RC3H1: variants seen among roughly 807,000 people sequenced by gnomAD.
RC3H1 encodes roquin-1.
A neutral mutation model predicts 138.2 loss-of-function variants in RC3H1; 50 were observed. The observed-to-expected ratio is 0.36, with a 90% CI of 0.29 to 0.46. The LOEUF (loss-of-function observed/expected upper bound fraction) is 0.46, where lower values mean the gene tolerates loss of function less well. RC3H1 is among the 20% of genes least tolerant of loss of function. The pLI is 1.00. For missense variants in RC3H1, 1,031 were observed against 1,388.1 expected, an observed-to-expected ratio of 0.74 and a Z score of 4.09; for synonymous variants, 462 against 489.1, an observed-to-expected ratio of 0.94 and a Z score of 0.73.
intron 14 of RC3H1, among the ~76,000 whole-genome samples, 191 bp downstream of exon 14, chr1:173,951,795 T>G (rs1257981014): frequency 6.6e-6 from 1 of 152,194 alleles, no homozygotes. Context: ...TCGGTAAGTA[T>G]TAAAATATTT....
rs148487759 is a variant in RC3H1, at chr1:173,970,010, T to C, written c.1334+495A>G. On this transcript the variant is annotated intron_variant, in intron 9 of 19. Coordinates refer to ENST00000367696, the MANE Select transcript of RC3H1 (RefSeq NM_172071.4). ...TCTATAGGCATGATGCAATAAAAGCTGAAGAAACTGCTTTTCATTTTTAAA... is the reference window on the plus strand; with the variant it reads ...TCTATAGGCATGATGCAATAAAAGCCGAAGAAACTGCTTTTCATTTTTAAA... Among the ~76,000 whole-genome samples the C allele has an allele frequency of 7.7e-4, 117 of 152,268 alleles. 3 individuals are homozygous for C. In the East Asian group the frequency reaches 0.017, roughly 23 times the overall value.
chr1:174,004,190 A>C (rs1207959807), intron 1 of RC3H1, among the ~76,000 whole-genome samples: 1 of 151,298 alleles, frequency 6.6e-6, no homozygotes, highest in Non-Finnish European at 1.5e-5. Flanking sequence ...CTACAGCCTC[A>C]AGTCTCACCC....
Position 173,947,571 on chromosome 1 carries a change from A to G in RC3H1, c.2535T>C (p.Ser845=). 1 of 1,613,316 alleles carries G rather than the reference A, an allele frequency of 6.2e-7. No individual in the cohort carries two copies. Residue 845 remains serine (S), a synonymous_variant, in exon 15 of 20, where the codon AGT becomes AGC. Transcript: ENST00000367696. The stretch of plus-strand genomic sequence containing the variant: ...CTAATCGCTGGTCCCTCATTCCTTT[A>G]CTCTCCACATTCTGATAAAAAAGCA... The part of the protein sequence containing the change: ...AGSVEMMNVE[S]KGMRDQRLDL...
chr1:173,939,608 G>C (rs144388191), intron 19 of RC3H1, among the ~76,000 whole-genome samples: 1 of 150,524 alleles, frequency 6.6e-6, no homozygotes, highest in Non-Finnish European at 1.5e-5. Flanking sequence ...AGGCCGAGGC[G>C]GGTGGATCAT....
At position 173,933,909 on chromosome 1, in the gene RC3H1, A is replaced by T. The variant is rs1293471768; in HGVS notation, c.*4812T>A. ...GATCACCTTGCAACACTGTAACCATATCATCAGTTAAAAATTTAACACACT... is the reference window on the plus strand; with the variant it reads ...GATCACCTTGCAACACTGTAACCATTTCATCAGTTAAAAATTTAACACACT... On this transcript the variant is annotated 3_prime_UTR_variant, in exon 20 of 20. Transcript: ENST00000367696. 1 of 151,840 alleles carries T rather than the reference A, an allele frequency of 6.6e-6. No homozygotes were observed. Among genetic ancestry groups the T allele is most frequent in the African/African-American group, 2.4e-5 (1 of 41,136 alleles). 9.4% of individuals were successfully genotyped at this position (151,840 alleles called of 1,614,324 possible).
At chr1:174,000,325 C>A (rs1661540359) in intron 1 of RC3H1, among the ~76,000 whole-genome samples, 1 of 152,172 alleles carries the variant, frequency 6.6e-6, no homozygotes, top group Admixed American at 6.5e-5. Context: ...TTATTACCAT[C>A]TCCTTTATTA....
intron 19 of RC3H1, among the ~76,000 whole-genome samples, chr1:173,940,827 C>CTT (rs112558924): frequency 2.8e-4 from 41 of 144,706 alleles, no homozygotes; most frequent in South Asian, 6.6e-4. Context: ...CAAAAATATT[C>CTT]TTTTTTTTTT....
At chr1:174,001,320 T>C (rs781496389) in intron 1 of RC3H1, among the ~76,000 whole-genome samples, 16 of 152,210 alleles carry the variant, frequency 1.1e-4, no homozygotes, top group Non-Finnish European at 1.9e-4. Flanking sequence ...TTTACGTATG[T>C]AGTTTGAATC....
At chr1:173,985,224 G>A (rs962853907) in intron 2 of RC3H1, among the ~76,000 whole-genome samples, 1 of 152,078 alleles carries the variant, frequency 6.6e-6, no homozygotes, top group Non-Finnish European at 1.5e-5. Context: ...AGACATATAG[G>A]TTGTTTCTAT....
intron 4 of RC3H1, 25 bp downstream of exon 4, chr1:173,983,393 T>C: frequency 6.2e-7 from 1 of 1,612,698 alleles, no homozygotes; most frequent in Non-Finnish European, 8.5e-7. Context: ...ACCAGCAGAA[T>C]AAATACCTAA....
chr1:173,963,276 CT>C (rs67347506), intron 11 of RC3H1, among the ~76,000 whole-genome samples: 59,801 of 150,658 alleles, frequency 0.4, 16,910 homozygotes, highest in African/African-American at 0.79. Context: ...CCATTCATAA[CT>C]TTTTTTTTTC....
intron 15 of RC3H1, among the ~76,000 whole-genome samples, chr1:173,947,086 A>T (rs575349288): frequency 6.6e-6 from 1 of 152,158 alleles, no homozygotes; most frequent in Non-Finnish European, 1.5e-5. Context: ...ATTACTGTAT[A>T]ATGAGAATGT....
chr1:173,936,476 T>G lies in RC3H1; in HGVS notation c.*2245A>C, dbSNP rs1366010447. The G allele has an allele frequency of 8.4e-6, 1 of 119,412 alleles. No individual in the cohort carries two copies. Among genetic ancestry groups the G allele is most frequent in the Non-Finnish European group, 1.6e-5 (1 of 63,304 alleles). The allele number at this position is 119,412 out of a possible 1,614,324, so 7.4% of individuals were successfully genotyped here. The stretch of plus-strand genomic sequence containing the variant: ...TTGTAGCGAGCCGAGATCAACCCAC[T>G]GCACTCCAGCCTGGGCAACAGAAGC... On this transcript the variant is annotated 3_prime_UTR_variant, in exon 20 of 20. Transcript: ENST00000367696.
chr1:174,017,311 G>A (rs1661877842), intron 1 of RC3H1, among the ~76,000 whole-genome samples: 1 of 152,164 alleles, frequency 6.6e-6, no homozygotes, highest in Non-Finnish European at 1.5e-5. Flanking sequence ...CTAAGAGTTT[G>A]AGCAAAACCC....
chr1:174,021,986 A>G (rs1360758775), intron 1 of RC3H1, 110 bp downstream of exon 1: 1 of 380,072 alleles, frequency 2.6e-6, no homozygotes, highest in Non-Finnish European at 4.7e-6. Flanking sequence ...GCGGAGGAGC[A>G]GAGGGCGGGC....
chr1:174,009,626 G>A (rs1661713835), intron 1 of RC3H1, among the ~76,000 whole-genome samples: 1 of 152,116 alleles, frequency 6.6e-6, no homozygotes, highest in Non-Finnish European at 1.5e-5. Context: ...ATCACTTGAG[G>A]TTAGGAGTTC....
chr1:173,995,800 C>T (rs1277702030), intron 1 of RC3H1, among the ~76,000 whole-genome samples: 1 of 152,192 alleles, frequency 6.6e-6, no homozygotes, highest in Non-Finnish European at 1.5e-5. Context: ...CCCTAAAGCA[C>T]TCATATGCTG....
chr1:174,020,312 T>C (rs1374817814), intron 1 of RC3H1, among the ~76,000 whole-genome samples: 1 of 152,210 alleles, frequency 6.6e-6, no homozygotes, highest in South Asian at 2.1e-4. Flanking sequence ...AGTATTGATA[T>C]TCATTCACTA....
chr1:173,979,583 G>C (rs1358158121), intron 6 of RC3H1, among the ~76,000 whole-genome samples: 2 of 152,152 alleles, frequency 1.3e-5, no homozygotes, highest in Admixed American at 6.5e-5. Context: ...TTGAACCTGG[G>C]AGACAGAGAT....
Sources: gnomAD v4.1 joint callset for allele counts (sites outside exome capture counted in the v4.1 genomes callset) on GRCh38, gnomAD v4.1.1 for gene constraint, MANE v1.5 for transcripts, NCBI Gene and HGNC (gene_info 2026-07-23, HGNC 2026-07-21) for gene names.